GRID1: variants seen among roughly 807,000 people sequenced by gnomAD.
GRID1 encodes glutamate receptor ionotropic, delta-1.
GRID1 carries 28 observed loss-of-function variants against 98.0 expected under a neutral mutation model. The observed-to-expected ratio is 0.29, with a 90% CI of 0.21 to 0.39. The LOEUF is 0.39. GRID1 is among the 10% of genes least tolerant of loss of function. The probability of loss-of-function intolerance (pLI) is 1.00; values close to 1 mark genes in which losing one functional copy is unlikely to be tolerated. For missense variants in GRID1, 1,111 were observed against 1,340.5 expected (o/e 0.83, Z 2.67); for synonymous variants, 553 against 538.5 (o/e 1.03, Z -0.37).
At chr10:86,119,086 A>G (rs957883379) in intron 4 of GRID1, among the ~76,000 whole-genome samples, 1 of 152,220 alleles carries the variant, frequency 6.6e-6, no homozygotes, top group Non-Finnish European at 1.5e-5. Context: ...CTGTAATCCC[A>G]GCACTTTCAG....
In GRID1 at chr10:85,737,689, TATA is replaced by T. The variant is rs1841900037; in HGVS notation, c.1234-8078_1234-8076del. On this transcript the variant is annotated intron_variant, in intron 8 of 15. Coordinates refer to ENST00000327946, the MANE Select transcript of GRID1 (RefSeq NM_017551.3). ...ATATATATATAAACATATATGGTTA[TATA>T]TATATATATATAACATACATGTTTA... Among the ~76,000 whole-genome samples the T allele has an allele frequency of 5.3e-5, 4 of 75,960 alleles. 1 individual carries two copies. Among genetic ancestry groups the T allele is most frequent in the South Asian group, 3.7e-4 (1 of 2,712 alleles). 49.8% of individuals were successfully genotyped at this position (75,960 alleles called of 152,430 possible).
At chr10:86,305,856 T>C (rs574569605) in intron 2 of GRID1, among the ~76,000 whole-genome samples, 2 of 152,310 alleles carry the variant, frequency 1.3e-5, no homozygotes, top group East Asian at 1.9e-4. Flanking sequence ...TTCTATAACA[T>C]TGTCTCCATT....
rs563167573 is a variant in GRID1, at chr10:86,127,200, C to T, written c.726+11619G>A. On this transcript the variant is annotated intron_variant, in intron 4 of 15. Transcript: ENST00000327946. ...CTTCCTGAGTGTATGTTTTCTCTCT[C>T]TAGTGTAGTCTGGCGGTGCTTCAGG... Among the ~76,000 whole-genome samples, 3 of 152,274 alleles carry T rather than the reference C, an allele frequency of 2.0e-5. No individual in the cohort carries two copies. In the East Asian group the frequency reaches 5.8e-4, roughly 30 times the overall value.
intron 13 of GRID1, among the ~76,000 whole-genome samples, chr10:85,641,811 G>A (rs915838397): frequency 2.0e-5 from 3 of 152,176 alleles, no homozygotes; most frequent in African/African-American, 7.2e-5. Context: ...TGAGGGAGAA[G>A]TTTCCAGGCC....
At chr10:86,248,205 A>G (rs1199185824) in intron 2 of GRID1, among the ~76,000 whole-genome samples, 1 of 152,232 alleles carries the variant, frequency 6.6e-6, no homozygotes, top group African/African-American at 2.4e-5. Context: ...GCACCATCTA[A>G]TGAGGCAGCT....
Position 86,365,047 on chromosome 10 carries a change from G to A in GRID1, c.80-951C>T, listed in dbSNP as rs1278073647. On this transcript the variant is annotated intron_variant, in intron 1 of 15. Transcript: ENST00000327946. The surrounding 1 kb of genome is among the most constrained non-coding windows in gnomAD (Gnocchi z 4.8). Reference sequence around the variant, plus strand: ...GAGGGTCCCTGAGGTCCCGGAGCTAGGCCCAGTGATCCCTCGAGCTGGGGG... The same window carrying A: ...GAGGGTCCCTGAGGTCCCGGAGCTAAGCCCAGTGATCCCTCGAGCTGGGGG... Among the ~76,000 whole-genome samples, 12 of 152,166 alleles carry A rather than the reference G, an allele frequency of 7.9e-5. No individual in the cohort carries two copies. Among genetic ancestry groups the A allele is most frequent in the Non-Finnish European group, 1.6e-4 (11 of 68,012 alleles).
intron 8 of GRID1, among the ~76,000 whole-genome samples, chr10:85,795,689 C>G (rs1029688462): frequency 6.6e-6 from 1 of 152,162 alleles, no homozygotes; most frequent in Admixed American, 6.5e-5. Context: ...AACGGCACGT[C>G]GAATCCTGGC....
At position 86,138,991 on chromosome 10, in the gene GRID1, G is replaced by C; in HGVS notation, c.554C>G (p.Ala185Gly). ...AGAGACGTCAAGGCCCAGCCGCGAG[G>C]CCTGGTCCAGAAAGCTTTGAAGCCC... ...IRGLQSFLDQ[A>G]SRLGLDVSLQ... Residue 185 changes from alanine to glycine, a missense_variant, in exon 4 of 16, where the codon GCC becomes GGC. By Grantham distance (60) the Ala-to-Gly change is moderately conservative. Transcript: ENST00000327946. 1 of 1,613,956 alleles carries C rather than the reference G, an allele frequency of 6.2e-7. No individual in the cohort carries two copies. The highest frequency in any genetic ancestry group is 8.5e-7 in the Non-Finnish European group (1 of 1,179,782).
intron 12 of GRID1, among the ~76,000 whole-genome samples, chr10:85,718,878 A>T (rs974604494): frequency 3.3e-5 from 5 of 152,128 alleles, no homozygotes; most frequent in African/African-American, 4.8e-5. Flanking sequence ...TTTCTCCTCA[A>T]AACATGGGTG....
In GRID1 at chr10:86,257,526, TTAAGCTTAATA is replaced by T. The variant is rs1846941574; in HGVS notation, c.236-50889_236-50879del. On this transcript the variant is annotated intron_variant, in intron 2 of 15. Coordinates refer to ENST00000327946, the MANE Select transcript of GRID1 (RefSeq NM_017551.3). ...GGAGAAGATCTGGATGCAACTACCT[TTAAGCTTAATA>T]TAAGCCAACAGACTGATGTGGCCAC... Among the ~76,000 whole-genome samples, 6 of 152,268 alleles carry T rather than the reference TTAAGCTTAATA, an allele frequency of 3.9e-5. No homozygotes were observed. In the South Asian group the frequency reaches 1.2e-3, roughly 32 times the overall value.
chr10:86,135,284 G>T (rs1844906250), intron 4 of GRID1, among the ~76,000 whole-genome samples: 1 of 152,198 alleles, frequency 6.6e-6, no homozygotes, highest in Non-Finnish European at 1.5e-5. Context: ...CCACTCCCCA[G>T]TTAGGGTATG....
intron 4 of GRID1, among the ~76,000 whole-genome samples, chr10:86,121,997 G>T (rs1294201413): frequency 6.6e-6 from 1 of 152,128 alleles, no homozygotes; most frequent in Non-Finnish European, 1.5e-5. Flanking sequence ...ATACAACCCT[G>T]CAGGGCCTCA....
intron 2 of GRID1, among the ~76,000 whole-genome samples, chr10:86,307,570 T>C (rs745841937): frequency 2.6e-5 from 4 of 152,118 alleles, no homozygotes; most frequent in Non-Finnish European, 4.4e-5. Flanking sequence ...GGCCAAAAGG[T>C]ACAAACTTAG....
chr10:86,265,190 C>T (rs1195439346), intron 2 of GRID1, among the ~76,000 whole-genome samples: 1 of 152,118 alleles, frequency 6.6e-6, no homozygotes, highest in Non-Finnish European at 1.5e-5. Context: ...CCACCTCAGG[C>T]ATGGTTCCAT....
At chr10:85,956,269 C>G (rs1026091467) in intron 4 of GRID1, among the ~76,000 whole-genome samples, 44 of 152,296 alleles carry the variant, frequency 2.9e-4, no homozygotes, top group African/African-American at 8.7e-4. Context: ...GTGTAAGTTC[C>G]TTACACCTGG....
chr10:86,237,094 A>G (rs1846550948), intron 2 of GRID1, among the ~76,000 whole-genome samples: 1 of 152,132 alleles, frequency 6.6e-6, no homozygotes, highest in South Asian at 2.1e-4. Context: ...CTGTGCCAGG[A>G]TCTGTGTCAT....
chr10:85,931,338 A>G (rs894765968), intron 4 of GRID1, among the ~76,000 whole-genome samples: 1 of 151,968 alleles, frequency 6.6e-6, no homozygotes, highest in African/African-American at 2.4e-5. Context: ...TAATCTGGAG[A>G]CACATGTCCT....
At chr10:86,098,014 T>C (rs943791862) in intron 4 of GRID1, among the ~76,000 whole-genome samples, 16 of 152,240 alleles carry the variant, frequency 1.1e-4, no homozygotes, top group African/African-American at 3.6e-4. Context: ...CATCCCTTTG[T>C]TTTCCACAAA....
At chr10:86,242,094 G>A (rs748216768) in intron 2 of GRID1, among the ~76,000 whole-genome samples, 6 of 152,202 alleles carry the variant, frequency 3.9e-5, no homozygotes, top group Admixed American at 2.0e-4. Flanking sequence ...GCCAAGCCCC[G>A]TGCTAGGTTC....
Sources: allele counts gnomAD v4.1 joint callset (sites outside exome capture counted in the v4.1 genomes callset), GRCh38; gene constraint gnomAD v4.1.1; non-coding constraint Gnocchi (gnomAD v3.1); transcripts MANE v1.5; gene names NCBI Gene and HGNC (gene_info 2026-07-23, HGNC 2026-07-21).